The following TCF4 variants were observed in gnomAD, a reference collection of about 807,000 sequenced individuals.
TCF4 encodes SL3-3 enhancer factor 2.
A neutral mutation model predicts 82.1 loss-of-function variants in TCF4; 3 were observed. The observed-to-expected ratio is 0.04, with a 90% CI of 0.02 to 0.09. The LOEUF (loss-of-function observed/expected upper bound fraction) is 0.09, where lower values mean the gene tolerates loss of function less well. Ranked by LOEUF, TCF4 falls within the 10% of genes least tolerant of loss-of-function variation. The pLI is 1.00. For missense variants in TCF4, 518 were observed against 852.7 expected (o/e 0.61, Z 4.89); for synonymous variants, 276 against 309.6 (o/e 0.89, Z 1.14).
At chr18:55,337,969 C>G (rs929286933) in intron 8 of TCF4, among the ~76,000 whole-genome samples, 2 of 152,020 alleles carry the variant, frequency 1.3e-5, no homozygotes, top group Non-Finnish European at 2.9e-5. Context: ...AGCACAATAA[C>G]AGCATCTACG....
At position 55,407,094 on chromosome 18, in the gene TCF4, G is replaced by A. The variant is rs181919864; in HGVS notation, c.305-3576C>T. On this transcript the variant is annotated intron_variant, in intron 5 of 19. Transcript: ENST00000354452. ...ATGGGGTTGGTGCGGGGGGCGGGGG[G>A]AGATTCTGAAATATATACCAGAAAC... Among the ~76,000 whole-genome samples, 30 of 152,072 alleles carry A rather than the reference G, an allele frequency of 2.0e-4. No homozygotes were observed. The East Asian group carries it at 4.6e-3, about 24-fold the overall frequency.
At chr18:55,250,260 G>T (rs2054602193) in intron 15 of TCF4, among the ~76,000 whole-genome samples, 1 of 152,166 alleles carries the variant, frequency 6.6e-6, no homozygotes, top group African/African-American at 2.4e-5. Context: ...TTAAGAATAA[G>T]TGCATAGATA....
intron 3 of TCF4, among the ~76,000 whole-genome samples, chr18:55,577,155 T>TATGTATATATACATTTATATATTTATAA (rs1568443232): frequency 8.3e-5 from 12 of 144,528 alleles, no homozygotes; most frequent in South Asian, 6.3e-4. Flanking sequence ...TATATTTATA[T>TATGTATATATACATTTATATATTTATAA]ATGTATATAT....
intron 6 of TCF4, among the ~76,000 whole-genome samples, chr18:55,390,407 T>C (rs2092992342): frequency 6.6e-6 from 1 of 151,958 alleles, no homozygotes; most frequent in Non-Finnish European, 1.5e-5. Flanking sequence ...GGATCTTCAG[T>C]GGGACACAGG....
chr18:55,386,225 G>A (rs2092593256), intron 6 of TCF4, among the ~76,000 whole-genome samples: 1 of 152,198 alleles, frequency 6.6e-6, no homozygotes, highest in Non-Finnish European at 1.5e-5. Context: ...CCAATCTGCT[G>A]AGTTCATTAG....
At chr18:55,365,191 ATGTG>A (rs1220531145) in intron 6 of TCF4, among the ~76,000 whole-genome samples, 3 of 97,956 alleles carry the variant, frequency 3.1e-5, no homozygotes, top group South Asian at 3.2e-4. Context: ...ATATATATAT[ATGTG>A]TGTGTGTGTG....
intron 8 of TCF4, among the ~76,000 whole-genome samples, chr18:55,286,126 A>T (rs2063617822): frequency 6.6e-6 from 1 of 152,196 alleles, no homozygotes; most frequent in Non-Finnish European, 1.5e-5. Flanking sequence ...AGTGTTTTTG[A>T]CAAACGAATT....
intron 8 of TCF4, among the ~76,000 whole-genome samples, chr18:55,318,415 T>A (rs1292411933): frequency 1.3e-5 from 2 of 152,010 alleles, no homozygotes; most frequent in African/African-American, 4.8e-5. Context: ...CAAAAAAAAA[T>A]CTGTTTCGTA....
At chr18:55,352,081 A>C in intron 6 of TCF4, 1 of 212,896 alleles carries the variant, frequency 4.7e-6, no homozygotes, top group Non-Finnish European at 8.1e-6. Context: ...GGGATGCTTC[A>C]CTAACACACT....
intron 5 of TCF4, among the ~76,000 whole-genome samples, chr18:55,418,176 T>C (rs915075550): frequency 3.3e-5 from 5 of 151,990 alleles, no homozygotes; most frequent in Non-Finnish European, 5.9e-5. Flanking sequence ...GAGAAGATGT[T>C]AAGATTCATT....
At chr18:55,513,550 T>G (rs1456902427) in intron 3 of TCF4, among the ~76,000 whole-genome samples, 1 of 152,170 alleles carries the variant, frequency 6.6e-6, no homozygotes, top group African/African-American at 2.4e-5. Flanking sequence ...ACATTGCTTC[T>G]TATAATTTTT....
At chr18:55,236,451 A>G (rs73487023) in intron 15 of TCF4, among the ~76,000 whole-genome samples, 17,084 of 150,860 alleles carry the variant, frequency 0.11, 1,103 homozygotes, top group African/African-American at 0.15. Context: ...GTTAAGTACA[A>G]ACCTTTTTTT....
At chr18:55,319,824 G>T (rs970134713) in intron 8 of TCF4, among the ~76,000 whole-genome samples, 6 of 152,070 alleles carry the variant, frequency 3.9e-5, no homozygotes, top group African/African-American at 1.4e-4. Context: ...ATTCCTTTTG[G>T]CCAAAAGGGA....
intron 5 of TCF4, among the ~76,000 whole-genome samples, chr18:55,436,722 T>C (rs186906934): frequency 6.6e-6 from 1 of 152,300 alleles, no homozygotes; most frequent in Admixed American, 6.5e-5. Flanking sequence ...GAACAAAACA[T>C]TACCTGTATG....
At chr18:55,525,608 C>T (rs944497558) in intron 3 of TCF4, among the ~76,000 whole-genome samples, 2 of 152,136 alleles carry the variant, frequency 1.3e-5, no homozygotes, top group African/African-American at 4.8e-5. Context: ...CTGTCTTAGG[C>T]ACAAGAGGCA....
At chr18:55,550,491 T>A (rs1293575326) in intron 3 of TCF4, 1 of 152,214 alleles carries the variant, frequency 6.6e-6, no homozygotes, top group Non-Finnish European at 1.5e-5. Flanking sequence ...GTTACCAAGC[T>A]GCAGATAATT....
intron 4 of TCF4, among the ~76,000 whole-genome samples, chr18:55,463,346 C>T (rs1018974756): frequency 6.6e-6 from 1 of 152,138 alleles, no homozygotes; most frequent in Non-Finnish European, 1.5e-5. Flanking sequence ...GGTGAAATGA[C>T]ATGCCCAAGA....
chr18:55,283,540 T>C (rs563821812), intron 8 of TCF4, among the ~76,000 whole-genome samples: 2 of 152,318 alleles, frequency 1.3e-5, no homozygotes, highest in East Asian at 3.9e-4. Context: ...TATCTAACCT[T>C]CATAATGATC....
intron 3 of TCF4, among the ~76,000 whole-genome samples, chr18:55,480,396 G>T (rs2096401421): frequency 6.6e-6 from 1 of 151,504 alleles, no homozygotes; most frequent in African/African-American, 2.4e-5. Flanking sequence ...CATAAAATAG[G>T]ACGCTTTCTC....
Sources: allele counts gnomAD v4.1 joint callset (sites outside exome capture counted in the v4.1 genomes callset), GRCh38; gene constraint gnomAD v4.1.1; transcripts MANE v1.5; gene names NCBI Gene and HGNC (gene_info 2026-07-23, HGNC 2026-07-21).